The following PTPRU variants were observed in gnomAD, a reference collection of about 807,000 sequenced individuals.
PTPRU encodes protein tyrosine phosphatase receptor type U, also known as receptor-type tyrosine-protein phosphatase U.
PTPRU carries 69 observed loss-of-function variants against 166.3 expected under a neutral mutation model. The observed-to-expected ratio is 0.41, with a 90% CI of 0.34 to 0.51. PTPRU has a LOEUF of 0.51. Ranked by LOEUF, PTPRU falls within the 20% of genes least tolerant of loss-of-function variation. The pLI is 0.09. For synonymous variants in PTPRU, 793 were observed against 814.0 expected, an observed-to-expected ratio of 0.97 and a Z score of 0.44; for missense variants, 1,657 against 2,013.7, an observed-to-expected ratio of 0.82 and a Z score of 3.39.
chr1:29,278,688 A>G (rs1280862978), intron 8 of PTPRU, among the ~76,000 whole-genome samples: 1 of 152,228 alleles, frequency 6.6e-6, no homozygotes, highest in African/African-American at 2.4e-5. Flanking sequence ...ACTGGAACAA[A>G]ATTGGAGCCT....
chr1:29,279,246 T>A lies in PTPRU; in HGVS notation c.1563+125T>A. On this transcript the variant is annotated intron_variant, in intron 9 of 29. Transcript: ENST00000373779. The surrounding 1 kb of genome is among the most constrained non-coding windows in gnomAD (Gnocchi z 5.2). Reference sequence around the variant, plus strand: ...ATGTGATTGTCATAGTTTCTTCAACTATGGCCAGGTCTGTGCCCTGTGTAT... The same window carrying A: ...ATGTGATTGTCATAGTTTCTTCAACAATGGCCAGGTCTGTGCCCTGTGTAT... The A allele has an allele frequency of 9.6e-7, 1 of 1,037,816 alleles. No individual in the cohort carries two copies. The highest frequency in any genetic ancestry group is 2.1e-4 in the Middle Eastern group (1 of 4,826). The allele number at this position is 1,037,816 out of a possible 1,614,324, so 64.3% of individuals were successfully genotyped here.
chr1:29,325,542 C>T (rs926913387), intron 29 of PTPRU, 57 bp from the exon 30 acceptor site: 4 of 1,557,438 alleles, frequency 2.6e-6, no homozygotes, highest in South Asian at 2.2e-5. Flanking sequence ...CCCCTCCCCC[C>T]ACAATACTGG....
intron 1 of PTPRU, among the ~76,000 whole-genome samples, chr1:29,241,437 T>C (rs1313932851): frequency 1.3e-5 from 2 of 151,884 alleles, no homozygotes; most frequent in African/African-American, 4.8e-5. Flanking sequence ...GCCAGGTGCC[T>C]GAGTGTCTGG....
intron 15 of PTPRU, among the ~76,000 whole-genome samples, chr1:29,296,101 G>GT (rs1169627526): frequency 6.6e-6 from 1 of 152,162 alleles, no homozygotes; most frequent in East Asian, 1.9e-4. Flanking sequence ...AGAAATAGTT[G>GT]TTTTTTCTTT....
chr1:29,279,100 T>C lies in PTPRU; in HGVS notation c.1542T>C (p.Asn514=). The C allele has an allele frequency of 6.3e-7, 1 of 1,580,978 alleles. No homozygotes were observed. The highest frequency in any genetic ancestry group is 1.2e-5 in the South Asian group (1 of 86,224). Residue 514 remains asparagine (N), a synonymous_variant, in exon 9 of 30, where the codon AAT becomes AAC. Coordinates refer to ENST00000373779, the MANE Select transcript of PTPRU (RefSeq NM_133178.4). The surrounding 1 kb of genome is among the most constrained non-coding windows in gnomAD (Gnocchi z 5.2). ...AGTGGGAGGAGCCCCAGGAGCCCAA[T>C]GGTCTCATCACCCAGTATGAGGTGG... The part of the protein sequence containing the change: ...FLKWEEPQEP[N]GLITQYEISY...
chr1:29,289,743 C>T (rs202102126), intron 14 of PTPRU: 65 of 1,610,934 alleles, frequency 4.0e-5, no homozygotes, highest in African/African-American at 1.1e-4. Context: ...TGGGAGTCCC[C>T]GGCCCTGCCT....
At chr1:29,252,074 G>A (rs1684569964) in intron 1 of PTPRU, among the ~76,000 whole-genome samples, 1 of 152,118 alleles carries the variant, frequency 6.6e-6, no homozygotes, top group South Asian at 2.1e-4. Flanking sequence ...GCTGACCAGG[G>A]ATTTTCAAAC....
chr1:29,323,316 G>A, intron 26 of PTPRU, 55 bp from the exon 27 acceptor site: 1 of 1,577,578 alleles, frequency 6.3e-7, no homozygotes, highest in South Asian at 1.2e-5. Flanking sequence ...CATGGCTGTG[G>A]GGTGAGCCCC....
chr1:29,325,437 C>A (rs1344634000), intron 29 of PTPRU, 111 bp downstream of exon 29: 113 of 1,520,610 alleles, frequency 7.4e-5, no homozygotes, highest in Non-Finnish European at 1.0e-4. Context: ...GGCCTTGGTT[C>A]TAGCCCTGTG....
chr1:29,277,706 T>C (rs1009297876), intron 8 of PTPRU, among the ~76,000 whole-genome samples: 3 of 151,746 alleles, frequency 2.0e-5, no homozygotes, highest in South Asian at 4.2e-4. Context: ...GGTAGGTTAC[T>C]ATTTCTATTC....
intron 15 of PTPRU, among the ~76,000 whole-genome samples, chr1:29,302,215 C>T (rs542535438): frequency 1.7e-3 from 243 of 144,142 alleles, no homozygotes; most frequent in Middle Eastern, 7.0e-3. Flanking sequence ...ATTTAAAAAA[C>T]GAAAAAAAAT....
chr1:29,308,534 T>C (rs1253640388), intron 18 of PTPRU, among the ~76,000 whole-genome samples: 1 of 120,498 alleles, frequency 8.3e-6, no homozygotes. Context: ...GCCATTGCAC[T>C]CCAGACTGAC....
At chr1:29,243,532 T>G (rs1684149592) in intron 1 of PTPRU, among the ~76,000 whole-genome samples, 1 of 152,214 alleles carries the variant, frequency 6.6e-6, no homozygotes, top group South Asian at 2.1e-4. Flanking sequence ...CACCTCGTGG[T>G]GGGGGTGGGG....
chr1:29,269,571 G>A (rs1243011617), intron 7 of PTPRU, among the ~76,000 whole-genome samples: 3 of 152,006 alleles, frequency 2.0e-5, no homozygotes, highest in Non-Finnish European at 2.9e-5. Flanking sequence ...TGAATTACAC[G>A]GTTCTCTTTG....
intron 1 of PTPRU, among the ~76,000 whole-genome samples, chr1:29,249,642 A>C (rs1357582664): frequency 1.3e-5 from 2 of 152,024 alleles, no homozygotes; most frequent in African/African-American, 4.8e-5. Flanking sequence ...CACCTCTCTG[A>C]GTGTGATTGG....
intron 29 of PTPRU, 34 bp from the exon 30 acceptor site, chr1:29,325,565 G>A (rs368633758): frequency 3.2e-6 from 5 of 1,586,764 alleles, no homozygotes; most frequent in African/African-American, 1.3e-5. Flanking sequence ...TTGGGGTCAG[G>A]CTCATGATTC....
At position 29,315,345 on chromosome 1, in the gene PTPRU, C is replaced by T. The variant is rs754689961; in HGVS notation, c.3228-27C>T. On this transcript the variant is annotated intron_variant, in intron 22 of 29. Transcript: ENST00000373779. The surrounding 1 kb of genome is among the most constrained non-coding windows in gnomAD (Gnocchi z 4.5). Reference sequence around the variant, plus strand: ...CCGGGCTTCCTCCCCAAAGCTCTGACCTGGTCTGGGGCTGCTCTCTCTCCA... The same window carrying T: ...CCGGGCTTCCTCCCCAAAGCTCTGATCTGGTCTGGGGCTGCTCTCTCTCCA... 6.2e-7 allele frequency: 1 copy of T among 1,613,796 alleles called. No homozygotes were observed. The highest frequency in any genetic ancestry group is 8.5e-7 in the Non-Finnish European group (1 of 1,179,998).
At chr1:29,286,671 C>T (rs1686362458) in intron 14 of PTPRU, among the ~76,000 whole-genome samples, 1 of 151,874 alleles carries the variant, frequency 6.6e-6, no homozygotes, top group South Asian at 2.1e-4. Context: ...TATTTGAGGT[C>T]CTAGAAATCT....
In PTPRU at chr1:29,258,729, C is replaced by G. The variant is rs774573641; in HGVS notation, c.430C>G (p.His144Asp). 5.6e-5 allele frequency: 90 copies of G among 1,606,860 alleles called. No homozygotes were observed. The highest frequency in any genetic ancestry group is 6.8e-5 in the Non-Finnish European group (80 of 1,175,858). ...GACTGGATCCCACGGCCGTCAGTGG[C>G]ACCAGGCTGAGCTGGCTGTCAGCAC... is the stretch of plus-strand genomic sequence containing the variant. ...NMTGSHGRQW[H>D]QAELAVSTFW... The change falls in exon 3 of 30, where the codon CAC (histidine) becomes GAC (aspartate). Residue 144 changes from histidine (H) to aspartate (D), a missense_variant. Transcript: ENST00000373779.
Sources: allele counts gnomAD v4.1 joint callset (sites outside exome capture counted in the v4.1 genomes callset), GRCh38; gene constraint gnomAD v4.1.1; non-coding constraint Gnocchi (gnomAD v3.1); transcripts MANE v1.5; gene names NCBI Gene and HGNC (gene_info 2026-07-23, HGNC 2026-07-21).